The following GRIK5 variants were observed in gnomAD, a reference collection of about 807,000 sequenced individuals.
GRIK5 encodes glutamate receptor ionotropic, kainate 5.
GRIK5 carries 43 observed loss-of-function variants against 97.4 expected under a neutral mutation model. The ratio of observed to expected loss-of-function variants is 0.44; its 90% CI spans 0.35 to 0.57. The LOEUF (loss-of-function observed/expected upper bound fraction) is 0.57, where lower values mean the gene tolerates loss of function less well. Among genes scored for constraint, GRIK5 ranks in the 20% least tolerant of loss-of-function variants. GRIK5 has a pLI of 0.01. For missense variants in GRIK5, 1,015 were observed against 1,382.0 expected (o/e 0.73, Z 4.21); for synonymous variants, 580 against 583.5 (o/e 0.99, Z 0.09).
rs999196045 is a variant in GRIK5, at chr19:42,042,170, G to T, written c.1473+382C>A. 6.6e-6 allele frequency among the ~76,000 whole-genome samples: 1 copy of T among 152,322 alleles called. No homozygotes were observed. The highest frequency in any genetic ancestry group is 2.1e-4 in the South Asian group (1 of 4,832). On this transcript the variant is annotated intron_variant, in intron 12 of 19. Coordinates refer to ENST00000593562, the MANE Select transcript of GRIK5 (RefSeq NM_002088.5). This position sits in a 1 kb window ranked among gnomAD's most constrained non-coding sequence, Gnocchi z 6.9. ...TGGGCATAGCACACAGGTGAGGTGT[G>T]CTCCCTGCTCTCAGCCCTGCCTCCT...
rs545564221 is a variant in GRIK5 at position 42,039,568 on chromosome 19, G to A, written c.1473+2984C>T. 4.3e-4 allele frequency among the ~76,000 whole-genome samples: 66 copies of A among 152,304 alleles called. No individual in the cohort carries two copies. In the South Asian group the frequency reaches 0.012, roughly 27 times the overall value. ...TTAGCCCACTCAGTAAGAGCACATC[G>A]GGCTTGTTCACCATGGTATCCCCAG... On this transcript the variant is annotated intron_variant, in intron 12 of 19. Transcript: ENST00000593562.
intron 15 of GRIK5, among the ~76,000 whole-genome samples, chr19:42,007,101 T>C (rs553013821): frequency 4.6e-5 from 7 of 151,610 alleles, no homozygotes; most frequent in African/African-American, 9.6e-5. Flanking sequence ...TTTTTTCTTT[T>C]TTTTTTTTTT....
intron 1 of GRIK5, among the ~76,000 whole-genome samples, chr19:42,067,611 G>C (rs1422558767): frequency 6.6e-6 from 1 of 152,068 alleles, no homozygotes; most frequent in Non-Finnish European, 1.5e-5. Context: ...AGGGAGCAGA[G>C]GACAAAGGAC....
In GRIK5 at chr19:42,062,712, A is replaced by G. The variant is rs369714982; in HGVS notation, c.342+46T>C. The G allele has an allele frequency of 2.8e-5, 45 of 1,612,466 alleles. No individual in the cohort carries two copies. The highest frequency in any genetic ancestry group is 1.0e-4 in the Admixed American group (6 of 59,988). On this transcript the variant is annotated intron_variant, in intron 4 of 19. Transcript: ENST00000593562. This position sits in a 1 kb window ranked among gnomAD's most constrained non-coding sequence, Gnocchi z 5.3. ...CTTCTCCGCCCAGCCCTCGCCTCCC[A>G]GGGACCCGCTCCCCACAAAGCGCCG...
chr19:42,053,639 G>A lies in GRIK5; in HGVS notation c.1232C>T (p.Thr411Ile), dbSNP rs748326732. The A allele has an allele frequency of 1.8e-5, 29 of 1,613,284 alleles. No homozygotes were observed. The East Asian group carries it at 6.5e-4, about 36-fold the overall frequency. Residue 411 changes from threonine to isoleucine, a missense_variant, in exon 11 of 20, where the codon ACA becomes ATA. By Grantham distance (89) the Thr-to-Ile change is moderately conservative (BLOSUM62 -1). Around this residue, in one of 5 missense-constraint regions of GRIK5, gnomAD observed 477 missense variants for 701.1 expected, o/e 0.68. Coordinates refer to ENST00000593562, the MANE Select transcript of GRIK5 (RefSeq NM_002088.5). Reference protein sequence around the residue: ...ATTLDINLSQTLANKTLVVTT... With the variant: ...ATTLDINLSQILANKTLVVTT... ...GACCACCAGGGTCTTGTTGGCCAGT[G>A]TCTGCGACAGGTTGATGTCCAGGGT...
chr19:42,011,422 G>C (rs779481135), intron 15 of GRIK5, among the ~76,000 whole-genome samples: 1 of 151,730 alleles, frequency 6.6e-6, no homozygotes, highest in African/African-American at 2.4e-5. Context: ...GCGTGGTAGC[G>C]GGCGCCTGTG....
chr19:42,005,687 C>A (rs1555872313), intron 17 of GRIK5, 36 bp downstream of exon 17: 2 of 1,486,070 alleles, frequency 1.3e-6, no homozygotes, highest in East Asian at 2.3e-5. Flanking sequence ...TGGATGCCCA[C>A]GGCCCTGCTG....
chr19:42,054,567 A>G, intron 8 of GRIK5, 95 bp from the exon 9 acceptor site: 5 of 1,380,296 alleles, frequency 3.6e-6, no homozygotes, highest in Non-Finnish European at 5.0e-6. Flanking sequence ...AAACCCTCAA[A>G]TAACTTCCCT....
intron 11 of GRIK5, chr19:42,043,025 C>T (rs1568914223): frequency 1.9e-6 from 1 of 530,156 alleles, no homozygotes; most frequent in East Asian, 3.2e-5. Context: ...TGGTGCCAAG[C>T]TCAAATGCGT....
Position 42,022,555 on chromosome 19 carries a change from T to C in GRIK5, c.1474-201A>G. ...TCGGACCCTCATCGCATGTCCATCC[T>C]CATCATCTCACGTCTCCAGACACAC... is the stretch of plus-strand genomic sequence containing the variant. On this transcript the variant is annotated intron_variant, in intron 12 of 19. Coordinates refer to ENST00000593562, the MANE Select transcript of GRIK5 (RefSeq NM_002088.5). This position sits in a 1 kb window ranked among gnomAD's most constrained non-coding sequence, Gnocchi z 4.2. 3 of 985,122 alleles carry C rather than the reference T, an allele frequency of 3.0e-6. No homozygotes were observed. Among genetic ancestry groups the C allele is most frequent in the Non-Finnish European group, 3.6e-6 (3 of 829,866 alleles). The allele number at this position is 985,122 out of a possible 1,614,324, so 61.0% of individuals were successfully genotyped here.
At chr19:42,017,050 C>A (rs1016108629) in intron 15 of GRIK5, among the ~76,000 whole-genome samples, 3 of 152,094 alleles carry the variant, frequency 2.0e-5, no homozygotes, top group Non-Finnish European at 4.4e-5. Context: ...GAGAGCTGCT[C>A]ACCGTTGGGG....
At chr19:42,063,590 C>T (rs970057203) in intron 3 of GRIK5, 4 of 309,062 alleles carry the variant, frequency 1.3e-5, no homozygotes, top group African/African-American at 8.8e-5. Context: ...TCTTTTGCTA[C>T]AATTATCACT....
At chr19:42,051,383 G>C (rs1189685061) in intron 11 of GRIK5, among the ~76,000 whole-genome samples, 1 of 152,026 alleles carries the variant, frequency 6.6e-6, no homozygotes, top group Non-Finnish European at 1.5e-5. Context: ...CCCACACCCG[G>C]ACCACCTCTA....
intron 1 of GRIK5, among the ~76,000 whole-genome samples, chr19:42,066,992 C>T (rs368061170): frequency 3.2e-4 from 48 of 152,292 alleles, no homozygotes; most frequent in African/African-American, 1.1e-3. Context: ...TCACAACTCT[C>T]CACCCCTAAG....
rs60552171 is a variant in GRIK5, at chr19:42,033,340, C to T, written c.1473+9212G>A. Among the ~76,000 whole-genome samples, 16 of 133,074 alleles carry T rather than the reference C, an allele frequency of 1.2e-4. No homozygotes were observed. The East Asian group carries it at 3.0e-3, about 25-fold the overall frequency. 87.3% of individuals were successfully genotyped at this position (133,074 alleles called of 152,430 possible). ...CTCAAAAAAAAAAAAAAAAAAAAAACGGAATGCAGTACTGGTATATGCCAT... is the reference window on the plus strand; with the variant it reads ...CTCAAAAAAAAAAAAAAAAAAAAAATGGAATGCAGTACTGGTATATGCCAT... On this transcript the variant is annotated intron_variant, in intron 12 of 19. Transcript: ENST00000593562.
chr19:42,022,444 A>C lies in GRIK5; in HGVS notation c.1474-90T>G. The stretch of plus-strand genomic sequence containing the variant: ...GAGAGAAATGCACGGAGAGTGAGCA[A>C]CTGAGGGAGGCGAGAGAGAGAGAGG... On this transcript the variant is annotated intron_variant, in intron 12 of 19. Transcript: ENST00000593562. This position sits in a 1 kb window ranked among gnomAD's most constrained non-coding sequence, Gnocchi z 4.2. The C allele has an allele frequency of 6.7e-7, 1 of 1,481,860 alleles. No individual in the cohort carries two copies. The highest frequency in any genetic ancestry group is 9.1e-7 in the Non-Finnish European group (1 of 1,098,538). The allele number at this position is 1,481,860 out of a possible 1,614,324, so 91.8% of individuals were successfully genotyped here. A position where few individuals can be genotyped will look rare whatever the true frequency, so the allele number is the denominator to read the frequency against.
Position 42,003,191 on chromosome 19 carries a change from C to T in GRIK5, c.2514+141G>A. 1.1e-5 allele frequency: 8 copies of T among 737,722 alleles called. No homozygotes were observed. In the South Asian group the frequency reaches 1.4e-4, roughly 13 times the overall value. The allele number at this position is 737,722 out of a possible 1,614,324, so 45.7% of individuals were successfully genotyped here. On this transcript the variant is annotated intron_variant, in intron 19 of 19. Transcript: ENST00000593562. The surrounding 1 kb of genome is among the most constrained non-coding windows in gnomAD (Gnocchi z 4.2). ...TTCTCTGGCCCCATCAGCTCTCTTA[C>T]TTCCCCACCTCCTGCATTCCTCTGC...
At chr19:42,024,373 C>T (rs536500448) in intron 12 of GRIK5, among the ~76,000 whole-genome samples, 12 of 152,116 alleles carry the variant, frequency 7.9e-5, no homozygotes, top group East Asian at 5.8e-4. Context: ...CCACCATGCC[C>T]GGCTGATTTT....
chr19:42,064,595 C>T (rs189221134), intron 3 of GRIK5, among the ~76,000 whole-genome samples: 1 of 152,294 alleles, frequency 6.6e-6, no homozygotes, highest in East Asian at 1.9e-4. Flanking sequence ...AAATGCCATA[C>T]CCCATTCTTC....
Sources: gnomAD v4.1 joint callset for allele counts (sites outside exome capture counted in the v4.1 genomes callset) on GRCh38, gnomAD v4.1.1 for gene constraint, gnomAD v4.1.1 regional missense constraint, Gnocchi (gnomAD v3.1) non-coding constraint, MANE v1.5 for transcripts, NCBI Gene and HGNC (gene_info 2026-07-23, HGNC 2026-07-21) for gene names.